Variants in CHST11 observed in about 807,000 individuals in gnomAD.
The protein encoded by CHST11 is C4S-1.
A neutral mutation model predicts 30.4 loss-of-function variants in CHST11; 9 were observed. That is an observed-to-expected ratio of 0.30 (90% CI 0.18 to 0.52). The LOEUF is 0.52. CHST11 is among the 20% of genes least tolerant of loss of function. CHST11 has a pLI of 0.97. For missense variants in CHST11, 348 were observed against 460.6 expected (o/e 0.76, Z 2.24); for synonymous variants, 152 against 187.8 (o/e 0.81, Z 1.56).
chr12:104,599,802 T>C (rs2038941850), intron 1 of CHST11, among the ~76,000 whole-genome samples: 1 of 152,212 alleles, frequency 6.6e-6, no homozygotes, highest in South Asian at 2.1e-4. Context: ...TGGCAAACTC[T>C]AGCCCAAGGG....
chr12:104,670,471 CCACA>C (rs199670859), intron 2 of CHST11, among the ~76,000 whole-genome samples: 1 of 150,272 alleles, frequency 6.7e-6, no homozygotes, highest in Non-Finnish European at 1.5e-5. Flanking sequence ...ATGTTCAGAC[CCACA>C]CACACACACA....
intron 2 of CHST11, among the ~76,000 whole-genome samples, chr12:104,686,897 C>T (rs1244880018): frequency 1.3e-5 from 2 of 152,248 alleles, no homozygotes; most frequent in Non-Finnish European, 2.9e-5. Flanking sequence ...ATCCACCCAC[C>T]TCAGCCTCCC....
chr12:104,712,379 G>A (rs368358016), intron 2 of CHST11, among the ~76,000 whole-genome samples: 1 of 152,074 alleles, frequency 6.6e-6, no homozygotes, highest in Non-Finnish European at 1.5e-5. Context: ...TTTTGATCTC[G>A]TATTTACTGT....
At chr12:104,618,362 C>T (rs910073110) in intron 2 of CHST11, among the ~76,000 whole-genome samples, 1 of 151,650 alleles carries the variant, frequency 6.6e-6, no homozygotes, top group African/African-American at 2.4e-5. Flanking sequence ...TAGCTGGGAC[C>T]ACAGGCCTGG....
At chr12:104,460,901 T>G (rs2037401879) in intron 1 of CHST11, among the ~76,000 whole-genome samples, 1 of 152,230 alleles carries the variant, frequency 6.6e-6, no homozygotes. Context: ...AAGAATATTT[T>G]ATAGGGCAAG....
chr12:104,525,954 A>G (rs2038121729), intron 1 of CHST11, among the ~76,000 whole-genome samples: 1 of 152,116 alleles, frequency 6.6e-6, no homozygotes, highest in Non-Finnish European at 1.5e-5. Context: ...GGGAGAAGAA[A>G]GAGCGTCAAG....
At chr12:104,621,905 G>C (rs945197409) in intron 2 of CHST11, among the ~76,000 whole-genome samples, 4 of 152,264 alleles carry the variant, frequency 2.6e-5, no homozygotes, top group Non-Finnish European at 4.4e-5. Context: ...GGCCAGGTCT[G>C]TGACATCAGG....
intron 2 of CHST11, among the ~76,000 whole-genome samples, chr12:104,658,131 G>T (rs1026642623): frequency 1.3e-5 from 2 of 152,240 alleles, no homozygotes; most frequent in Admixed American, 6.5e-5. Context: ...CCCCCAACCT[G>T]CAGTGCCTCT....
intron 1 of CHST11, among the ~76,000 whole-genome samples, chr12:104,509,445 A>G (rs1022752996): frequency 4.6e-5 from 7 of 152,214 alleles, no homozygotes; most frequent in African/African-American, 1.4e-4. Context: ...GTTTTAACAC[A>G]GTGTATTTGA....
chr12:104,551,489 A>G (rs2038404385), intron 1 of CHST11, among the ~76,000 whole-genome samples: 1 of 152,152 alleles, frequency 6.6e-6, no homozygotes, highest in South Asian at 2.1e-4. Context: ...TCAAGTTGCT[A>G]GAATCACCCA....
intron 1 of CHST11, among the ~76,000 whole-genome samples, chr12:104,575,428 G>A (rs2038675128): frequency 6.6e-6 from 1 of 152,194 alleles, no homozygotes; most frequent in African/African-American, 2.4e-5. Context: ...GTCAGGTGGG[G>A]ACAGTGCTCT....
At chr12:104,506,805 C>T (rs1358194581) in intron 1 of CHST11, among the ~76,000 whole-genome samples, 1 of 152,134 alleles carries the variant, frequency 6.6e-6, no homozygotes, top group Admixed American at 6.5e-5. Context: ...TTTGCCAAGC[C>T]ATCATTCGTT....
chr12:104,683,939 C>G (rs1321259257), intron 2 of CHST11, among the ~76,000 whole-genome samples: 1 of 152,170 alleles, frequency 6.6e-6, no homozygotes, highest in Non-Finnish European at 1.5e-5. Flanking sequence ...GCTAGAGAGG[C>G]CTGGAGTCCT....
intron 2 of CHST11, among the ~76,000 whole-genome samples, chr12:104,670,501 A>T (rs201594290): frequency 4.6e-5 from 7 of 150,974 alleles, no homozygotes; most frequent in East Asian, 2.0e-4. Flanking sequence ...ACTCATACAC[A>T]CTCACACAAA....
At chr12:104,537,152 G>A (rs1592751359) in intron 1 of CHST11, among the ~76,000 whole-genome samples, 1 of 152,210 alleles carries the variant, frequency 6.6e-6, no homozygotes, top group Non-Finnish European at 1.5e-5. Context: ...CCATTATCAT[G>A]TCACTCTGGA....
intron 1 of CHST11, among the ~76,000 whole-genome samples, chr12:104,510,237 C>T (rs2037950974): frequency 6.6e-6 from 1 of 152,028 alleles, no homozygotes; most frequent in Admixed American, 6.5e-5. Context: ...TTTTTTTACA[C>T]CTCTATCTGT....
At chr12:104,472,987 G>A (rs1470210665) in intron 1 of CHST11, among the ~76,000 whole-genome samples, 2 of 152,140 alleles carry the variant, frequency 1.3e-5, no homozygotes, top group Non-Finnish European at 2.9e-5. Flanking sequence ...GGAGCCCAGG[G>A]GTGGAGAGGT....
intron 2 of CHST11, among the ~76,000 whole-genome samples, chr12:104,634,663 C>G (rs1185128431): frequency 6.6e-6 from 1 of 152,196 alleles, no homozygotes; most frequent in Non-Finnish European, 1.5e-5. Context: ...CATGTCAGGG[C>G]CCTTTACTTG....
At chr12:104,677,456 C>G (rs1469414113) in intron 2 of CHST11, among the ~76,000 whole-genome samples, 1 of 152,200 alleles carries the variant, frequency 6.6e-6, no homozygotes, top group Non-Finnish European at 1.5e-5. Flanking sequence ...GTGAATGCTG[C>G]AGATCAAGGC....
Sources: gnomAD v4.1 joint callset for allele counts (sites outside exome capture counted in the v4.1 genomes callset) on GRCh38, gnomAD v4.1.1 for gene constraint, MANE v1.5 for transcripts, NCBI Gene and HGNC (gene_info 2026-07-23, HGNC 2026-07-21) for gene names.